TAMALIN: variants seen among roughly 807,000 people sequenced by gnomAD.
TAMALIN encodes the protein protein TAMALIN.
TAMALIN carries 9 observed loss-of-function variants against 38.5 expected under a neutral mutation model. The observed-to-expected ratio is 0.23, with a 90% confidence interval of 0.14 to 0.41. TAMALIN has a LOEUF of 0.41. Ranked by LOEUF, TAMALIN falls within the 10% of genes least tolerant of loss-of-function variation. TAMALIN has a pLI of 1.00. For missense variants in TAMALIN, 548 were observed against 554.1 expected (o/e 0.99, Z 0.11); for synonymous variants, 306 against 256.5 (o/e 1.19, Z -1.85).
Position 52,011,361 on chromosome 12 carries a change from T to C in TAMALIN, c.454+220T>C. On this transcript the variant is annotated intron_variant, in intron 4 of 7. Transcript: ENST00000293662. The surrounding 1 kb of genome is among the most constrained non-coding windows in gnomAD (Gnocchi z 5.3). ...CCCATCTACAAAATGAGGGTAATAATGCATCCAAACATCACAGTGCGGCAA... is the reference window on the plus strand; with the variant it reads ...CCCATCTACAAAATGAGGGTAATAACGCATCCAAACATCACAGTGCGGCAA... The C allele has an allele frequency of 1.6e-5, 11 of 702,334 alleles. No homozygotes were observed. The highest frequency in any genetic ancestry group is 5.3e-5 in the African/African-American group (3 of 56,386). The allele number at this position is 702,334 out of a possible 1,614,324, so 43.5% of individuals were successfully genotyped here. A position where few individuals can be genotyped will look rare whatever the true frequency, so the allele number is the denominator to read the frequency against.
In TAMALIN at chr12:52,014,738, G is replaced by T. The variant is rs776603513; in HGVS notation, c.727G>T (p.Val243Leu). Residue 243 changes from valine (V) to leucine (L), a missense_variant, in exon 8 of 8, where the codon GTG becomes TTG. By Grantham distance (32) the Val-to-Leu change is conservative. This residue lies in a region of TAMALIN where 415 missense variants were observed against 417.0 expected (regional missense o/e 1.00). Coordinates refer to ENST00000293662, the MANE Select transcript of TAMALIN (RefSeq NM_181711.4). ...DPSIYDTLES[V>L]RSCLYGAGLL... The stretch of plus-strand genomic sequence containing the variant: ...CAGCATCTACGACACGCTGGAGTCG[G>T]TGCGCTCCTGCCTCTACGGCGCGGG... The T allele has an allele frequency of 2.0e-6, 3 of 1,519,998 alleles. No homozygotes were observed. Among genetic ancestry groups the T allele is most frequent in the African/African-American group, 1.4e-5 (1 of 70,820 alleles). 94.2% of individuals were successfully genotyped at this position (1,519,998 alleles called of 1,614,324 possible). A position where few individuals can be genotyped will look rare whatever the true frequency, so the allele number is the denominator to read the frequency against.
At chr12:52,010,417 G>T in intron 2 of TAMALIN, 1 of 800,132 alleles carries the variant, frequency 1.2e-6, no homozygotes, top group Non-Finnish European at 1.5e-6. Context: ...ACATCTGGTG[G>T]GCTGGCCCCA....
chr12:52,010,859 T>C, intron 2 of TAMALIN, 22 bp from the exon 3 acceptor site: 1 of 1,613,776 alleles, frequency 6.2e-7, no homozygotes. Context: ...CCTAATTGTC[T>C]TGACCCCTGT....
chr12:52,008,925 G>T (rs977808369), intron 1 of TAMALIN, among the ~76,000 whole-genome samples: 5 of 152,216 alleles, frequency 3.3e-5, no homozygotes, highest in African/African-American at 1.2e-4. Flanking sequence ...AACCAGCAAG[G>T]GCTTAGAGGT....
At position 52,015,800 on chromosome 12, in the gene TAMALIN, C is replaced by T. The variant is rs1937797899; in HGVS notation, c.*601C>T. On this transcript the variant is annotated 3_prime_UTR_variant, in exon 8 of 8. Transcript: ENST00000293662. The stretch of plus-strand genomic sequence containing the variant: ...CTTGGGAGACAGGAACTGGCGAGTT[C>T]AGGTGGGGTGGGGACAGCACAGACT... 6.5e-6 allele frequency: 1 copy of T among 154,100 alleles called. No individual in the cohort carries two copies. The highest frequency in any genetic ancestry group is 2.4e-5 in the African/African-American group (1 of 41,456). The allele number at this position is 154,100 out of a possible 1,614,324, so 9.5% of individuals were successfully genotyped here. A position where few individuals can be genotyped will look rare whatever the true frequency, so the allele number is the denominator to read the frequency against.
intron 4 of TAMALIN, among the ~76,000 whole-genome samples, chr12:52,013,342 G>A (rs1021338152): frequency 6.6e-6 from 1 of 152,256 alleles, no homozygotes; most frequent in South Asian, 2.1e-4. Flanking sequence ...CTCCCAAAGT[G>A]CTGGGATTAC....
chr12:52,008,236 G>A (rs1056586660), intron 1 of TAMALIN: 1 of 985,232 alleles, frequency 1.0e-6, no homozygotes, highest in African/African-American at 1.7e-5. Flanking sequence ...TTTGGGGGAG[G>A]GTTAGCAAAG....
rs1354822243 is a variant in TAMALIN, at chr12:52,007,090, G to C, written c.71G>C (p.Arg24Pro). 1.4e-6 allele frequency: 2 copies of C among 1,479,140 alleles called. No individual in the cohort carries two copies. Among genetic ancestry groups the C allele is most frequent in the Non-Finnish European group, 8.9e-7 (1 of 1,122,430 alleles). 91.6% of individuals were successfully genotyped at this position (1,479,140 alleles called of 1,614,324 possible). ...GCGGCCACCCCGGACCCCGCCGCCC[G>C]GACTCCCGACTCGGAAGTCGCGCCC... is the stretch of plus-strand genomic sequence containing the variant. ...EAAATPDPAA[R>P]TPDSEVAPAA... The change falls in exon 1 of 8, where the codon CGG becomes CCG. Residue 24 changes from arginine to proline, a missense_variant. Coordinates refer to ENST00000293662, the MANE Select transcript of TAMALIN (RefSeq NM_181711.4). This position sits in a 1 kb window ranked among gnomAD's most constrained non-coding sequence, Gnocchi z 6.7.
At chr12:52,014,297 G>C in intron 7 of TAMALIN, 96 bp downstream of exon 7, 1 of 1,028,230 alleles carries the variant, frequency 9.7e-7, no homozygotes. Flanking sequence ...GTAAAGAACG[G>C]TTTACTAGTA....
intron 7 of TAMALIN, 63 bp from the exon 8 acceptor site, chr12:52,014,631 C>G: frequency 7.7e-7 from 1 of 1,296,040 alleles, no homozygotes; most frequent in Non-Finnish European, 1.0e-6. Flanking sequence ...GCCCTCCGAC[C>G]CTTTGCAGAG....
chr12:52,014,632 CT>C, intron 7 of TAMALIN, 61 bp from the exon 8 acceptor site: 1 of 1,310,684 alleles, frequency 7.6e-7, no homozygotes. Context: ...CCCTCCGACC[CT>C]TTGCAGAGGC....
At position 52,011,219 on chromosome 12, in the gene TAMALIN, C is replaced by G. The variant is rs758365601; in HGVS notation, c.454+78C>G. ...CCCAAGCAAAGGGGGTGAGCAATCT[C>G]TCCTGAAATCAATTCCTCTTCCTTT... On this transcript the variant is annotated intron_variant, in intron 4 of 7. Coordinates refer to ENST00000293662, the MANE Select transcript of TAMALIN (RefSeq NM_181711.4). The surrounding 1 kb of genome is among the most constrained non-coding windows in gnomAD (Gnocchi z 5.3). 6.3e-7 allele frequency: 1 copy of G among 1,596,290 alleles called. No individual in the cohort carries two copies. The highest frequency in any genetic ancestry group is 8.5e-7 in the Non-Finnish European group (1 of 1,177,232).
rs1432698508 is a variant in TAMALIN, at chr12:52,007,503, C to G, written c.246+238C>G. ...CGCGCCCCATGCACGCCCCCTCTCTCCCTCCTTGACTCCTCCCAGCACCCC... is the reference window on the plus strand; with the variant it reads ...CGCGCCCCATGCACGCCCCCTCTCTGCCTCCTTGACTCCTCCCAGCACCCC... On this transcript the variant is annotated intron_variant, in intron 1 of 7. Transcript: ENST00000293662. The surrounding 1 kb of genome is among the most constrained non-coding windows in gnomAD (Gnocchi z 6.7). 3 of 984,276 alleles carry G rather than the reference C, an allele frequency of 3.0e-6. No individual in the cohort carries two copies. The highest frequency in any genetic ancestry group is 3.6e-6 in the Non-Finnish European group (3 of 829,106). 61.0% of individuals were successfully genotyped at this position (984,276 alleles called of 1,614,324 possible).
In TAMALIN at chr12:52,015,008, A is replaced by G. The variant is rs1242061811; in HGVS notation, c.997A>G (p.Ser333Gly). Residue 333 changes from serine (S) to glycine (G), a missense_variant, in exon 8 of 8, where the codon AGT (serine) becomes GGT (glycine). This residue lies in a region of TAMALIN where 415 missense variants were observed against 417.0 expected (regional missense o/e 1.00). Transcript: ENST00000293662. Reference protein sequence around the residue: ...GPRAALSRSASVRCAGPGGGG... With the variant: ...GPRAALSRSAGVRCAGPGGGG... ...GCGGGCCGCGCTGAGCCGCAGCGCC[A>G]GTGTGCGGTGCGCGGGCCCTGGCGG... 2 of 1,080,808 alleles carry G rather than the reference A, an allele frequency of 1.9e-6. No homozygotes were observed. The highest frequency in any genetic ancestry group is 1.1e-6 in the Non-Finnish European group (1 of 886,018). 67.0% of individuals were successfully genotyped at this position (1,080,808 alleles called of 1,614,324 possible). A position where few individuals can be genotyped will look rare whatever the true frequency, so the allele number is the denominator to read the frequency against.
At position 52,007,709 on chromosome 12, in the gene TAMALIN, C is replaced by G; in HGVS notation, c.246+444C>G. The G allele has an allele frequency of 1.0e-6, 1 of 985,458 alleles. No homozygotes were observed. Among genetic ancestry groups the G allele is most frequent in the Non-Finnish European group, 1.2e-6 (1 of 829,922 alleles). The allele number at this position is 985,458 out of a possible 1,614,324, so 61.0% of individuals were successfully genotyped here. A position where few individuals can be genotyped will look rare whatever the true frequency, so the allele number is the denominator to read the frequency against. On this transcript the variant is annotated intron_variant, in intron 1 of 7. Transcript: ENST00000293662. The surrounding 1 kb of genome is among the most constrained non-coding windows in gnomAD (Gnocchi z 6.7). ...TGGCTGCGCCGCGTGCGTTCTCACT[C>G]TGAGGAAGTGCGTGGGGAGCCGCTG...
chr12:52,013,992 C>A, intron 6 of TAMALIN, 49 bp downstream of exon 6: 1 of 1,596,664 alleles, frequency 6.3e-7, no homozygotes, highest in Non-Finnish European at 8.6e-7. Flanking sequence ...CTTCCCAAGC[C>A]TCTGCCCTGT....
In TAMALIN at chr12:52,014,922, C is replaced by G; in HGVS notation, c.911C>G (p.Pro304Arg). ...EPPALPPPPP[P>R]ARAFGPGPAE... is the part of the protein sequence containing the mutation. ...CCGGCGCTGCCGCCCCCGCCGCCCC[C>G]GGCCCGCGCCTTCGGCCCGGGCCCC... The change falls in exon 8 of 8, where the codon CCG becomes CGG. Residue 304 changes from proline to arginine, a missense_variant. By Grantham distance (103) the Pro-to-Arg change is moderately radical. Coordinates refer to ENST00000293662, the MANE Select transcript of TAMALIN (RefSeq NM_181711.4). The G allele has an allele frequency of 9.4e-7, 1 of 1,059,478 alleles. No homozygotes were observed. Among genetic ancestry groups the G allele is most frequent in the South Asian group, 3.6e-5 (1 of 27,508 alleles). 65.6% of individuals were successfully genotyped at this position (1,059,478 alleles called of 1,614,324 possible). A position where few individuals can be genotyped will look rare whatever the true frequency, so the allele number is the denominator to read the frequency against.
chr12:52,015,256 A>G lies in TAMALIN; in HGVS notation c.*57A>G. 6.6e-7 allele frequency: 1 copy of G among 1,506,122 alleles called. No individual in the cohort carries two copies. The highest frequency in any genetic ancestry group is 2.1e-4 in the Middle Eastern group (1 of 4,864). The allele number at this position is 1,506,122 out of a possible 1,614,324, so 93.3% of individuals were successfully genotyped here. On this transcript the variant is annotated 3_prime_UTR_variant, in exon 8 of 8. Coordinates refer to ENST00000293662, the MANE Select transcript of TAMALIN (RefSeq NM_181711.4). ...TTTATTCGCAACAGCCAGCGCTAAA[A>G]GAGGGGGAGGCCGAGCCAAGAGGAC...
Position 52,014,818 on chromosome 12 carries a change from C to T in TAMALIN, c.807C>T (p.Pro269=). The change falls in exon 8 of 8, where the codon CCC becomes CCT. Residue 269 remains proline (P), a synonymous_variant. Coordinates refer to ENST00000293662, the MANE Select transcript of TAMALIN (RefSeq NM_181711.4). ...CTCTGCTCGCCGTGCCCGGGCGTCC[C>T]CGCGGAGGCGCCCGACGGGCCAGGG... The part of the protein sequence containing the change: ...FGPLLAVPGR[P]RGGARRARGD... 1 of 1,333,986 alleles carries T rather than the reference C, an allele frequency of 7.5e-7. No homozygotes were observed. The highest frequency in any genetic ancestry group is 9.6e-7 in the Non-Finnish European group (1 of 1,045,386). The allele number at this position is 1,333,986 out of a possible 1,614,324, so 82.6% of individuals were successfully genotyped here.
Sources: gnomAD v4.1 joint callset for allele counts (sites outside exome capture counted in the v4.1 genomes callset) on GRCh38, gnomAD v4.1.1 for gene constraint, gnomAD v4.1.1 regional missense constraint, Gnocchi (gnomAD v3.1) non-coding constraint, MANE v1.5 for transcripts, NCBI Gene and HGNC (gene_info 2026-07-23, HGNC 2026-07-21) for gene names.